Variants in ARHGAP6 observed in about 807,000 individuals in gnomAD.
The protein encoded by ARHGAP6 is Rho GTPase activating protein 6.
A neutral mutation model predicts 55.7 loss-of-function variants in ARHGAP6; 16 were observed. That is an observed-to-expected ratio of 0.29 (90% confidence interval 0.19 to 0.44). The LOEUF is 0.44. Ranked by LOEUF, ARHGAP6 falls within the 20% of genes least tolerant of loss-of-function variation. ARHGAP6 has a pLI of 1.00. For missense variants in ARHGAP6, 698 were observed against 808.9 expected (o/e 0.86, Z 1.66); for synonymous variants, 382 against 360.9 (o/e 1.06, Z -0.66).
intron 1 of ARHGAP6, among the ~76,000 whole-genome samples, chrX:11,387,460 T>C (rs1448766211): frequency 8.9e-6 from 1 of 112,102 alleles, no homozygotes; most frequent in Non-Finnish European, 1.9e-5. Context: ...CCAATAATTG[T>C]AGCCAAAGTC....
At chrX:11,583,189 C>G (rs2051685449) in intron 1 of ARHGAP6, among the ~76,000 whole-genome samples, 1 of 112,243 alleles carries the variant, frequency 8.9e-6, no homozygotes, top group South Asian at 3.7e-4. Context: ...AACTGCTCTC[C>G]AGGATGGTTG....
chrX:11,635,273 T>G (rs2052405359), intron 1 of ARHGAP6, among the ~76,000 whole-genome samples: 1 of 112,078 alleles, frequency 8.9e-6, no homozygotes, highest in Non-Finnish European at 1.9e-5. Flanking sequence ...CTGTATAGTA[T>G]ATAAATAACA....
At chrX:11,244,709 A>T (rs1405536540) in intron 2 of ARHGAP6, among the ~76,000 whole-genome samples, 1 of 112,421 alleles carries the variant, frequency 8.9e-6, no homozygotes, top group Non-Finnish European at 1.9e-5. Context: ...AAGAGAATAT[A>T]GTGCAGTCTT....
At chrX:11,616,318 C>T (rs66698662) in intron 1 of ARHGAP6, among the ~76,000 whole-genome samples, 1 of 109,946 alleles carries the variant, frequency 9.1e-6, no homozygotes, top group African/African-American at 3.3e-5. Flanking sequence ...GCCAAATAAA[C>T]CTCTTTTTTC....
In ARHGAP6 at chrX:11,664,621, G is replaced by A. The variant is rs999725441; in HGVS notation, c.208C>T (p.Leu70Phe). The change falls in exon 1 of 13, where the codon CTC becomes TTC. Residue 70 changes from leucine to phenylalanine, a missense_variant. Coordinates refer to ENST00000337414, the MANE Select transcript of ARHGAP6 (RefSeq NM_013427.3). ...ATAGRLYSPS[L>F]PAESLGPRLA... The stretch of plus-strand genomic sequence containing the variant: ...CGAGGGCCGAGACTCTCGGCTGGGA[G>A]TGATGGGGAGTAGAGGCGGCCCGCC... The A allele has an allele frequency of 2.6e-6, 3 of 1,168,135 alleles. No homozygotes were observed. The highest frequency in any genetic ancestry group is 3.4e-6 in the Non-Finnish European group (3 of 873,910).
At chrX:11,151,548 C>T (rs781615323) in intron 10 of ARHGAP6, among the ~76,000 whole-genome samples, 2 of 111,586 alleles carry the variant, frequency 1.8e-5, no homozygotes, top group South Asian at 7.4e-4. Flanking sequence ...TCTGGCATCC[C>T]GTTTTGGTTG....
intron 1 of ARHGAP6, among the ~76,000 whole-genome samples, chrX:11,484,564 AAG>A (rs1175144789): frequency 1.7e-4 from 18 of 108,974 alleles, no homozygotes; most frequent in South Asian, 8.3e-4. Context: ...AAAGAGGAAA[AAG>A]AGGAGAAAGG....
intron 2 of ARHGAP6, chrX:11,225,610 T>C (rs1445183535): frequency 6.2e-6 from 2 of 323,616 alleles, no homozygotes; most frequent in African/African-American, 2.8e-5. Flanking sequence ...TGCAGAATTA[T>C]GTTTTGTAAG....
intron 8 of ARHGAP6, among the ~76,000 whole-genome samples, chrX:11,173,978 A>G (rs1300246536): frequency 9.0e-6 from 1 of 111,646 alleles, no homozygotes; most frequent in Non-Finnish European, 1.9e-5. Context: ...ACCCTAACAA[A>G]TAGATAATAC....
At chrX:11,384,706 T>C (rs2049306963) in intron 1 of ARHGAP6, among the ~76,000 whole-genome samples, 1 of 111,847 alleles carries the variant, frequency 8.9e-6, no homozygotes, top group African/African-American at 3.3e-5. Context: ...ATTTAAAAAA[T>C]ATCAATGACT....
chrX:11,427,804 G>C (rs1256768818), intron 1 of ARHGAP6: 3 of 744,288 alleles, frequency 4.0e-6, no homozygotes, highest in Non-Finnish European at 3.2e-6. Context: ...CGGCGCGAAG[G>C]GGGAGGGGGA....
intron 2 of ARHGAP6, among the ~76,000 whole-genome samples, chrX:11,201,008 C>A (rs1465412830): frequency 8.9e-6 from 1 of 112,036 alleles, no homozygotes; most frequent in Non-Finnish European, 1.9e-5. Flanking sequence ...TGTTCTACAT[C>A]TTGATCTGGT....
intron 1 of ARHGAP6, among the ~76,000 whole-genome samples, chrX:11,531,116 A>C (rs1461034639): frequency 9.0e-6 from 1 of 111,667 alleles, no homozygotes; most frequent in South Asian, 3.7e-4. Context: ...AACAATATTC[A>C]TTAATTATCT....
In ARHGAP6 at chrX:11,225,085, G is replaced by A. The variant is rs2047028010; in HGVS notation, c.749-28089C>T. Among the ~76,000 whole-genome samples, 3 of 111,232 alleles carry A rather than the reference G, an allele frequency of 2.7e-5. No homozygotes were observed. The South Asian group carries it at 1.2e-3, about 43-fold the overall frequency. On this transcript the variant is annotated intron_variant, in intron 2 of 12. Transcript: ENST00000337414. ...GGTTTATTTAAAATTTTCAGGATGC[G>A]ATCTCACCCATGGTTGCTCTTTATC... is the stretch of plus-strand genomic sequence containing the variant.
chrX:11,486,848 G>A (rs1225447939), intron 1 of ARHGAP6, among the ~76,000 whole-genome samples: 1 of 112,102 alleles, frequency 8.9e-6, no homozygotes, highest in African/African-American at 3.2e-5. Context: ...GGTACTGGCA[G>A]TGGCTTGGTA....
At chrX:11,297,410 G>A (rs2048104462) in intron 1 of ARHGAP6, among the ~76,000 whole-genome samples, 1 of 111,852 alleles carries the variant, frequency 8.9e-6, no homozygotes, top group Non-Finnish European at 1.9e-5. Flanking sequence ...TTCCTCATCT[G>A]GAGAAAGGAA....
chrX:11,570,545 T>C (rs2051501526), intron 1 of ARHGAP6, among the ~76,000 whole-genome samples: 1 of 110,322 alleles, frequency 9.1e-6, no homozygotes, highest in African/African-American at 3.3e-5. Context: ...ATAATTTCAA[T>C]CTCTCAGCAC....
Position 11,626,012 on chromosome X carries a change from G to A in ARHGAP6, c.588+38229C>T, listed in dbSNP as rs187564924. On this transcript the variant is annotated intron_variant, in intron 1 of 12. Coordinates refer to ENST00000337414, the MANE Select transcript of ARHGAP6 (RefSeq NM_013427.3). ...GAATAAGAGAAAAGCAAAAATTGATGAAATATAAAACAAGATGTAATAAAA... is the reference window on the plus strand; with the variant it reads ...GAATAAGAGAAAAGCAAAAATTGATAAAATATAAAACAAGATGTAATAAAA... 2.5e-3 allele frequency among the ~76,000 whole-genome samples: 278 copies of A among 111,489 alleles called. 1 individual carries two copies. The highest frequency in any genetic ancestry group is 4.1e-3 in the Non-Finnish European group (216 of 52,959).
chrX:11,437,122 C>G (rs1335605274), intron 1 of ARHGAP6, among the ~76,000 whole-genome samples: 1 of 110,916 alleles, frequency 9.0e-6, no homozygotes, highest in Admixed American at 9.6e-5. Context: ...GAAGGACTGA[C>G]TTTATAACAA....
Sources: gnomAD v4.1 joint callset for allele counts (sites outside exome capture counted in the v4.1 genomes callset) on GRCh38, gnomAD v4.1.1 for gene constraint, MANE v1.5 for transcripts, NCBI Gene and HGNC (gene_info 2026-07-23, HGNC 2026-07-21) for gene names.